Variants in MYLK4 observed in about 807,000 individuals in gnomAD.
MYLK4 encodes myosin light chain kinase family member 4.
In MYLK4, 46 loss-of-function variants were observed where a neutral mutation model predicts 48.1. The ratio of observed to expected loss-of-function variants is 0.96; its 90% confidence interval spans 0.75 to 1.22. The LOEUF is 1.22. Ranked by LOEUF, MYLK4 falls within the 50% of genes most tolerant of loss-of-function variation. The pLI is 0.00. For missense variants in MYLK4, 451 were observed against 486.1 expected (o/e 0.93, Z 0.68); for synonymous variants, 170 against 180.8 (o/e 0.94, Z 0.48).
chr6:2,759,330 C>T, the MYLK4 span, among the ~76,000 whole-genome samples: 1 of 152,166 alleles, frequency 6.6e-6, no homozygotes, highest in African/African-American at 2.4e-5. Context: ...TGGTCTTGAA[C>T]TCCTGGGTTC....
upstream of MYLK4, among the ~76,000 whole-genome samples, chr6:2,752,854 CTGAT>C (rs1185043847): frequency 2.0e-5 from 3 of 152,188 alleles, no homozygotes; most frequent in East Asian, 1.9e-4. Flanking sequence ...CTAAAAGTGA[CTGAT>C]TGTCTGGTTC....
intron 7 of MYLK4, among the ~76,000 whole-genome samples, chr6:2,682,487 C>T (rs1043260581): frequency 1.3e-5 from 2 of 152,152 alleles, no homozygotes; most frequent in Non-Finnish European, 2.9e-5. Flanking sequence ...CCTCTCTTCT[C>T]CTTAGCACTT....
upstream of MYLK4, among the ~76,000 whole-genome samples, chr6:2,755,446 A>G (rs928850829): frequency 2.0e-5 from 3 of 152,364 alleles, no homozygotes; most frequent in Middle Eastern, 3.4e-3. Context: ...ACTTTCTCAC[A>G]TAACAGAATC....
rs1582054003 is a variant in MYLK4, at chr6:2,692,944, A to C, written c.160-85T>G. ...GCACTCCTGACACTTGCGCTGGATG[A>C]TTCCGTGTGGTGGGGAATGTCACGA... On this transcript the variant is annotated intron_variant, in intron 2 of 12. Coordinates refer to ENST00000274643, the MANE Select transcript of MYLK4 (RefSeq NM_001012418.5). 3 of 1,249,748 alleles carry C rather than the reference A, an allele frequency of 2.4e-6. No individual in the cohort carries two copies. In the East Asian group the frequency reaches 7.6e-5, roughly 32 times the overall value. The allele number at this position is 1,249,748 out of a possible 1,614,324, so 77.4% of individuals were successfully genotyped here. A position where few individuals can be genotyped will look rare whatever the true frequency, so the allele number is the denominator to read the frequency against.
At chr6:2,765,545 A>G in the MYLK4 span, 9 of 1,351,798 alleles carry the variant, frequency 6.7e-6, no homozygotes, top group Non-Finnish European at 8.5e-6. Context: ...CGCGGGGCCT[A>G]GCGGAGGGCA....
chr6:2,766,413 T>A, the MYLK4 span: 1 of 1,599,578 alleles, frequency 6.3e-7, no homozygotes, highest in Admixed American at 1.7e-5. Context: ...ATCCCCTCGC[T>A]TATCCTGTGG....
Position 2,685,614 on chromosome 6 carries a change from T to C in MYLK4, c.342-38A>G. 1.9e-6 allele frequency: 3 copies of C among 1,598,298 alleles called. No homozygotes were observed. The highest frequency in any genetic ancestry group is 2.6e-6 in the Non-Finnish European group (3 of 1,166,536). Reference sequence around the variant, plus strand: ...GGAAGCGGCGTAGCATGAGGCCCTGTGGTCAGCTGCCGAGTGGACAGCGCA... The same window carrying C: ...GGAAGCGGCGTAGCATGAGGCCCTGCGGTCAGCTGCCGAGTGGACAGCGCA... On this transcript the variant is annotated intron_variant, in intron 4 of 12. Transcript: ENST00000274643. This position sits in a 1 kb window ranked among gnomAD's most constrained non-coding sequence, Gnocchi z 4.5.
At chr6:2,671,454 C>T (rs1431514949) in intron 11 of MYLK4, 106 bp from the exon 12 acceptor site, 2 of 1,063,070 alleles carry the variant, frequency 1.9e-6, no homozygotes, top group Non-Finnish European at 2.8e-6. Flanking sequence ...GGAGAAGGTG[C>T]TCTTCAAGAG....
intron 2 of MYLK4, among the ~76,000 whole-genome samples, chr6:2,718,332 T>C (rs1434905899): frequency 6.6e-6 from 1 of 152,266 alleles, no homozygotes; most frequent in African/African-American, 2.4e-5. Flanking sequence ...GAGTCATAGA[T>C]TGCTAGTAGC....
intron 4 of MYLK4, among the ~76,000 whole-genome samples, chr6:2,688,013 G>C (rs576218679): frequency 6.6e-6 from 1 of 152,028 alleles, no homozygotes; most frequent in Admixed American, 6.6e-5. Context: ...AGCAGGAAGC[G>C]GGTCCCTGAT....
intron 2 of MYLK4, among the ~76,000 whole-genome samples, chr6:2,729,203 C>A (rs1015084359): frequency 3.3e-5 from 5 of 152,330 alleles, no homozygotes; most frequent in East Asian, 1.9e-4. Flanking sequence ...AATAAAAATA[C>A]AGGATATGCA....
At position 2,679,275 on chromosome 6, in the gene MYLK4, CT is replaced by C; in HGVS notation, c.887+4del. 6.2e-7 allele frequency: 1 copy of C among 1,614,102 alleles called. No homozygotes were observed. Among genetic ancestry groups the C allele is most frequent in the Non-Finnish European group, 8.5e-7 (1 of 1,179,998 alleles). ...AAGGGTCAGAGACAGAGGAGAGCTA[CT>C]CACAGCATATAGGCGATGACCCCCA... is the stretch of plus-strand genomic sequence containing the variant. On this transcript the variant is annotated splice_donor_region_variant and intron_variant, in intron 9 of 12. Transcript: ENST00000274643.
intron 2 of MYLK4, among the ~76,000 whole-genome samples, chr6:2,709,345 G>T (rs1762595575): frequency 6.6e-6 from 1 of 152,206 alleles, no homozygotes; most frequent in African/African-American, 2.4e-5. Flanking sequence ...CCTTCCCGTT[G>T]TTTCAGTTTC....
chr6:2,688,183 C>T (rs1038931723), intron 4 of MYLK4, among the ~76,000 whole-genome samples: 4 of 152,010 alleles, frequency 2.6e-5, no homozygotes, highest in Non-Finnish European at 5.9e-5. Context: ...CTCAGCCTCC[C>T]GAGTAGCTGG....
chr6:2,697,656 C>T (rs1762115011), intron 2 of MYLK4, among the ~76,000 whole-genome samples: 2 of 152,122 alleles, frequency 1.3e-5, no homozygotes, highest in Non-Finnish European at 2.9e-5. Context: ...CATTCCCATT[C>T]AATAAAAATC....
At chr6:2,765,854 T>C in the MYLK4 span, 1 of 1,422,202 alleles carries the variant, frequency 7.0e-7, no homozygotes, top group Non-Finnish European at 9.2e-7. Flanking sequence ...GTCGGAGAGC[T>C]CGGCGCTGAA....
intron 2 of MYLK4, among the ~76,000 whole-genome samples, chr6:2,707,095 G>A (rs1330990027): frequency 6.6e-6 from 1 of 152,130 alleles, no homozygotes; most frequent in Non-Finnish European, 1.5e-5. Context: ...AGCAACACGG[G>A]ACAGTATACG....
intron 2 of MYLK4, among the ~76,000 whole-genome samples, chr6:2,734,287 G>A (rs978872643): frequency 1.3e-5 from 2 of 152,146 alleles, no homozygotes; most frequent in Admixed American, 1.3e-4. Context: ...ACAGACCAAG[G>A]AATTTCCATG....
chr6:2,765,617 G>A, the MYLK4 span: 2 of 1,515,844 alleles, frequency 1.3e-6, no homozygotes, highest in Non-Finnish European at 8.8e-7. Flanking sequence ...GAGGGCGGCG[G>A]CCGCCATGGA....
Sources: gnomAD v4.1 joint callset for allele counts (sites outside exome capture counted in the v4.1 genomes callset) on GRCh38, gnomAD v4.1.1 for gene constraint, Gnocchi (gnomAD v3.1) non-coding constraint, MANE v1.5 for transcripts, NCBI Gene and HGNC (gene_info 2026-07-23, HGNC 2026-07-21) for gene names.